SCN2A: variants seen among roughly 807,000 people sequenced by gnomAD.
The protein encoded by SCN2A is sodium voltage-gated channel alpha subunit 2.
In SCN2A, 20 loss-of-function variants were observed where a neutral mutation model predicts 188.7. The ratio of observed to expected loss-of-function variants is 0.11; its 90% CI spans 0.07 to 0.15. SCN2A has a LOEUF of 0.15. SCN2A is among the 10% of genes least tolerant of loss of function. The probability of loss-of-function intolerance (pLI) is 1.00; values close to 1 mark genes in which losing one functional copy is unlikely to be tolerated. For synonymous variants in SCN2A, 804 were observed against 833.1 expected, an observed-to-expected ratio of 0.97 and a Z score of 0.60; for missense variants, 1,278 against 2,445.0, an observed-to-expected ratio of 0.52 and a Z score of 10.07.
At chr2:165,353,636 G>T (rs1700041365) in intron 16 of SCN2A, among the ~76,000 whole-genome samples, 1 of 152,180 alleles carries the variant, frequency 6.6e-6, no homozygotes, top group Non-Finnish European at 1.5e-5. Flanking sequence ...AGAAGGCAAA[G>T]TGGAGCAAGC....
chr2:165,382,571 A>G (rs556986222), intron 25 of SCN2A, among the ~76,000 whole-genome samples: 6 of 151,894 alleles, frequency 4.0e-5, no homozygotes, highest in African/African-American at 2.4e-5. Flanking sequence ...AAACCACAAT[A>G]ACCCATACCT....
At chr2:165,320,958 C>T (rs893671219) in intron 11 of SCN2A, among the ~76,000 whole-genome samples, 2 of 152,322 alleles carry the variant, frequency 1.3e-5, no homozygotes, top group Non-Finnish European at 2.9e-5. Context: ...AATTTCTCTT[C>T]AGGAAATGGG....
intron 1 of SCN2A, chr2:165,266,430 T>C (rs1305335001): frequency 2.0e-5 from 3 of 152,112 alleles, no homozygotes; most frequent in African/African-American, 4.8e-5. Context: ...TCACATGAAA[T>C]TGAGCTTCAA....
intron 25 of SCN2A, 40 bp from the exon 26 acceptor site, chr2:165,386,706 T>G: frequency 3.1e-6 from 5 of 1,588,248 alleles, no homozygotes; most frequent in Non-Finnish European, 4.3e-6. Context: ...CGATTTTTTT[T>G]AAGGTTTCTA....
intron 24 of SCN2A, 22 bp downstream of exon 24, chr2:165,380,751 C>A: frequency 6.5e-7 from 1 of 1,537,830 alleles, no homozygotes; most frequent in Non-Finnish European, 9.0e-7. Flanking sequence ...AAAACTTCAT[C>A]CTTGCTCTGA....
At chr2:165,341,157 T>G (rs984854944) in intron 14 of SCN2A, among the ~76,000 whole-genome samples, 1 of 152,070 alleles carries the variant, frequency 6.6e-6, no homozygotes, top group Non-Finnish European at 1.5e-5. Context: ...GCAGTGGCGC[T>G]ATCTCGGCTC....
At chr2:165,252,670 A>G (rs1186881390) in intron 1 of SCN2A, among the ~76,000 whole-genome samples, 1 of 152,094 alleles carries the variant, frequency 6.6e-6, no homozygotes, top group Non-Finnish European at 1.5e-5. Flanking sequence ...TTTTATCTTC[A>G]GGGATGATTA....
intron 6 of SCN2A, 63 bp from the exon 7 acceptor site, chr2:165,310,260 T>G: frequency 2.0e-6 from 3 of 1,537,336 alleles, no homozygotes; most frequent in Non-Finnish European, 2.7e-6. Flanking sequence ...CTCATGATAT[T>G]TTTGCCGGTA....
chr2:165,343,470 A>C (rs1699418272), intron 15 of SCN2A, among the ~76,000 whole-genome samples: 1 of 152,238 alleles, frequency 6.6e-6, no homozygotes, highest in Admixed American at 6.5e-5. Flanking sequence ...CCTTCATGAT[A>C]GTGTGATGCA....
chr2:165,274,983 T>C (rs561601874), intron 1 of SCN2A, among the ~76,000 whole-genome samples: 1 of 152,362 alleles, frequency 6.6e-6, no homozygotes, highest in East Asian at 1.9e-4. Flanking sequence ...TTGACATTTA[T>C]GTCACAGGTG....
At chr2:165,351,877 T>G (rs1359763970) in intron 16 of SCN2A, among the ~76,000 whole-genome samples, 1 of 151,850 alleles carries the variant, frequency 6.6e-6, no homozygotes, top group Non-Finnish European at 1.5e-5. Context: ...GCTTGTTTTT[T>G]TTTTTTTTTT....
chr2:165,372,936 T>C, intron 20 of SCN2A: 1 of 261,974 alleles, frequency 3.8e-6, no homozygotes, highest in Non-Finnish European at 7.4e-6. Context: ...TTAAAAACAT[T>C]TCCTACCAAG....
At chr2:165,320,011 C>T (rs1032836192) in intron 11 of SCN2A, among the ~76,000 whole-genome samples, 4 of 152,172 alleles carry the variant, frequency 2.6e-5, no homozygotes, top group East Asian at 1.9e-4. Context: ...AAAGCCTCAT[C>T]GGAGACAAGG....
chr2:165,294,195 A>G (rs1559342606), intron 1 of SCN2A: 1 of 786,648 alleles, frequency 1.3e-6, no homozygotes, highest in African/African-American at 1.9e-5. Flanking sequence ...CCTTTACAGT[A>G]GTAGAATCCT....
chr2:165,253,258 C>T (rs142899301), intron 1 of SCN2A, among the ~76,000 whole-genome samples: 40 of 152,210 alleles, frequency 2.6e-4, no homozygotes, highest in Middle Eastern at 3.4e-3. Context: ...ACTTCTATCT[C>T]CTTTCTAGAG....
chr2:165,256,355 T>A (rs1335871188), intron 1 of SCN2A, among the ~76,000 whole-genome samples: 1 of 152,172 alleles, frequency 6.6e-6, no homozygotes, highest in South Asian at 2.1e-4. Flanking sequence ...ATTTACAGAC[T>A]CTTTTTGTTA....
chr2:165,323,585 A>T, intron 12 of SCN2A, 85 bp downstream of exon 12: 1 of 1,302,278 alleles, frequency 7.7e-7, no homozygotes, highest in Non-Finnish European at 1.1e-6. Context: ...ACATCTAAGA[A>T]TTTGTTGAGT....
At chr2:165,333,095 T>G (rs1255253024) in intron 14 of SCN2A, among the ~76,000 whole-genome samples, 1 of 152,006 alleles carries the variant, frequency 6.6e-6, no homozygotes, top group East Asian at 1.9e-4. Context: ...TCTAAACCAG[T>G]CAGTTACCCT....
intron 1 of SCN2A, among the ~76,000 whole-genome samples, chr2:165,246,513 C>T (rs984801553): frequency 2.0e-5 from 3 of 152,114 alleles, no homozygotes; most frequent in Admixed American, 6.6e-5. Context: ...TTCCTTTAAT[C>T]CCACCAGGCC....
Sources: gnomAD v4.1 joint callset for allele counts (sites outside exome capture counted in the v4.1 genomes callset) on GRCh38, gnomAD v4.1.1 for gene constraint, MANE v1.5 for transcripts, NCBI Gene and HGNC (gene_info 2026-07-23, HGNC 2026-07-21) for gene names.